OR6B1: variants seen among roughly 807,000 people sequenced by gnomAD.
The protein encoded by OR6B1 is olfactory receptor family 6 subfamily B member 1, also known as olfactory receptor 6B1.
Under a neutral mutation model 15.4 loss-of-function variants are expected in OR6B1, and 15 were observed. That is an observed-to-expected ratio of 0.97 (90% confidence interval 0.65 to 1.50). The LOEUF is 1.50. Ranked by LOEUF, OR6B1 falls within the 40% of genes most tolerant of loss-of-function variation. The pLI, the probability that OR6B1 is intolerant of heterozygous loss-of-function variation, is 0.00. For missense variants in OR6B1, 384 were observed against 385.0 expected, an observed-to-expected ratio of 1.00 and a Z score of 0.02; for synonymous variants, 139 against 144.9, an observed-to-expected ratio of 0.96 and a Z score of 0.29.
chr7:144,004,147 C>A lies in OR6B1; in HGVS notation c.151C>A (p.Gln51Lys). Residue 51 changes from glutamine to lysine, a missense_variant, in exon 2 of 2, where the codon CAA becomes AAA. Gln to Lys is a moderately conservative substitution (Grantham distance 53). Coordinates refer to ENST00000641698, the MANE Select transcript of OR6B1 (RefSeq NM_001005281.3). ...ENVIIILLVL[Q>K]NRPLHKPMYF... The stretch of plus-strand genomic sequence containing the variant: ...CGTGATCATCATCCTATTGGTGCTG[C>A]AAAATCGGCCACTGCACAAGCCTAT... The A allele has an allele frequency of 6.2e-7, 1 of 1,614,178 alleles. No individual in the cohort carries two copies. Among genetic ancestry groups the A allele is most frequent in the Non-Finnish European group, 8.5e-7 (1 of 1,180,040 alleles).
Position 144,004,803 on chromosome 7 carries a change from C to T in OR6B1, c.807C>T (p.Asn269=). The change falls in exon 2 of 2, where the codon AAC becomes AAT. Residue 269 remains asparagine (N), a synonymous_variant. Transcript: ENST00000641698. ...RPRVIHAFNM[N]KIISIFYAIV... ...GAGTTATCCATGCCTTCAACATGAA[C>T]AAAATTATTTCCATCTTCTATGCCA... The T allele has an allele frequency of 6.2e-7, 1 of 1,614,008 alleles. No homozygotes were observed. Among genetic ancestry groups the T allele is most frequent in the Non-Finnish European group, 8.5e-7 (1 of 1,179,978 alleles).
In OR6B1 at chr7:144,004,153, C is replaced by T. The variant is rs763717842; in HGVS notation, c.157C>T (p.Arg53Trp). 72 of 1,614,158 alleles carry T rather than the reference C, an allele frequency of 4.5e-5. No homozygotes were observed. The highest frequency in any genetic ancestry group is 8.8e-5 in the South Asian group (8 of 91,072). ...CATCATCCTATTGGTGCTGCAAAAT[C>T]GGCCACTGCACAAGCCTATGTACTT... ...VIIILLVLQN[R>W]PLHKPMYFFL... Residue 53 changes from arginine to tryptophan, a missense_variant, in exon 2 of 2, where the codon CGG becomes TGG. Arg to Trp is a moderately radical substitution (Grantham distance 101). Coordinates refer to ENST00000641698, the MANE Select transcript of OR6B1 (RefSeq NM_001005281.3).
In OR6B1 at chr7:144,006,611, T is replaced by C. The variant is rs930188658; in HGVS notation, c.*1679T>C. On this transcript the variant is annotated 3_prime_UTR_variant, in exon 2 of 2. Transcript: ENST00000641698. ...AAATCTAGACACACAAAAAAGAGAT[T>C]ATTTTCTGAAAACTTCAAATGAATC... 3 of 152,296 alleles carry C rather than the reference T, an allele frequency of 2.0e-5. No homozygotes were observed. Among genetic ancestry groups the C allele is most frequent in the Admixed American group, 2.0e-4 (3 of 15,290 alleles). 9.4% of individuals were successfully genotyped at this position (152,296 alleles called of 1,614,324 possible).
chr7:144,002,581 A>G (rs75521937), intron 1 of OR6B1, among the ~76,000 whole-genome samples: 1 of 152,308 alleles, frequency 6.6e-6, no homozygotes, highest in East Asian at 1.9e-4. Context: ...ATTTAAGTTC[A>G]CTGTCACCTA....
intron 1 of OR6B1, among the ~76,000 whole-genome samples, chr7:144,003,033 C>CT (rs1418134243): frequency 3.3e-5 from 5 of 152,110 alleles, no homozygotes; most frequent in African/African-American, 1.2e-4. Flanking sequence ...TAATGCATCT[C>CT]TATCTTTGTT....
At position 144,006,554 on chromosome 7, in the gene OR6B1, C is replaced by A. The variant is rs6965087; in HGVS notation, c.*1622C>A. ...AATGTAGTTTGGTCCCTTGATGCAA[C>A]AAGTAAGTTGTGATGAATATATTTC... On this transcript the variant is annotated 3_prime_UTR_variant, in exon 2 of 2. Coordinates refer to ENST00000641698, the MANE Select transcript of OR6B1 (RefSeq NM_001005281.3). 6.6e-6 allele frequency: 1 copy of A among 151,838 alleles called. No individual in the cohort carries two copies. The highest frequency in any genetic ancestry group is 1.5e-5 in the Non-Finnish European group (1 of 67,942). The allele number at this position is 151,838 out of a possible 1,614,324, so 9.4% of individuals were successfully genotyped here. A position where few individuals can be genotyped will look rare whatever the true frequency, so the allele number is the denominator to read the frequency against.
At position 144,004,196 on chromosome 7, in the gene OR6B1, C is replaced by T; in HGVS notation, c.200C>T (p.Ser67Phe). Reference sequence around the variant, plus strand: ...ATGTACTTCTTCCTGGCCAACCTGTCCTTCTTGGAGACCTGGTACATCTCT... The same window carrying T: ...ATGTACTTCTTCCTGGCCAACCTGTTCTTCTTGGAGACCTGGTACATCTCT... ...KPMYFFLANL[S>F]FLETWYISVT... is the part of the protein sequence containing the mutation. Residue 67 changes from serine (S) to phenylalanine (F), a missense_variant, in exon 2 of 2, where the codon TCC becomes TTC. Coordinates refer to ENST00000641698, the MANE Select transcript of OR6B1 (RefSeq NM_001005281.3). The T allele has an allele frequency of 1.2e-6, 2 of 1,614,178 alleles. No individual in the cohort carries two copies. The highest frequency in any genetic ancestry group is 1.3e-5 in the African/African-American group (1 of 75,062).
At position 144,007,500 on chromosome 7, in the gene OR6B1, A is replaced by T. The variant is rs2050632126; in HGVS notation, c.*2568A>T. On this transcript the variant is annotated 3_prime_UTR_variant, in exon 2 of 2. Transcript: ENST00000641698. ...TCCAAACTCATAAGGAACCCCACAA[A>T]ATAAAATATAAATATATATTAATTA... is the stretch of plus-strand genomic sequence containing the variant. 6.6e-6 allele frequency: 1 copy of T among 152,178 alleles called. No homozygotes were observed. The highest frequency in any genetic ancestry group is 2.4e-5 in the African/African-American group (1 of 41,450). 9.4% of individuals were successfully genotyped at this position (152,178 alleles called of 1,614,324 possible). A position where few individuals can be genotyped will look rare whatever the true frequency, so the allele number is the denominator to read the frequency against.
At chr7:144,001,712 CTT>C (rs1322046859) in intron 1 of OR6B1, among the ~76,000 whole-genome samples, 4 of 152,214 alleles carry the variant, frequency 2.6e-5, no homozygotes, top group African/African-American at 9.6e-5. Flanking sequence ...CCATCCATCT[CTT>C]TTCTGCTCAT....
In OR6B1 at chr7:144,004,383, A is replaced by T. The variant is rs1213591945; in HGVS notation, c.387A>T (p.Pro129=). Residue 129 remains proline, a synonymous_variant, in exon 2 of 2, where the codon CCA becomes CCT. Transcript: ENST00000641698. ...ACCGGTATGTGGCCATCTGTCGCCC[A>T]CTCCACTACCCAACCATAATGAGCC... is the stretch of plus-strand genomic sequence containing the variant. ...AYDRYVAICR[P]LHYPTIMSHG... is the part of the protein sequence containing the mutation. The T allele has an allele frequency of 1.9e-6, 3 of 1,613,806 alleles. No individual in the cohort carries two copies. In the East Asian group the frequency reaches 6.7e-5, roughly 36 times the overall value.
Position 144,007,308 on chromosome 7 carries a change from T to C in OR6B1, c.*2376T>C, listed in dbSNP as rs767026291. 19 of 152,090 alleles carry C rather than the reference T, an allele frequency of 1.2e-4. No homozygotes were observed. The highest frequency in any genetic ancestry group is 2.8e-4 in the Non-Finnish European group (19 of 68,016). The allele number at this position is 152,090 out of a possible 1,614,324, so 9.4% of individuals were successfully genotyped here. On this transcript the variant is annotated 3_prime_UTR_variant, in exon 2 of 2. Transcript: ENST00000641698. ...ACAGAGAAAATAATGTATAGTGGATTACTGGTTAAATTCACATAGAAACAA... is the reference window on the plus strand; with the variant it reads ...ACAGAGAAAATAATGTATAGTGGATCACTGGTTAAATTCACATAGAAACAA...
In OR6B1 at chr7:144,001,685, T is replaced by C. The variant is rs187214367; in HGVS notation, c.-26+1035T>C. On this transcript the variant is annotated intron_variant, in intron 1 of 1. Coordinates refer to ENST00000641698, the MANE Select transcript of OR6B1 (RefSeq NM_001005281.3). Reference sequence around the variant, plus strand: ...CATGATCTGGTCCGTGACAACAGAGTCTCTCTCTTTCTCTTTCCATCCATC... The same window carrying C: ...CATGATCTGGTCCGTGACAACAGAGCCTCTCTCTTTCTCTTTCCATCCATC... Among the ~76,000 whole-genome samples, 944 of 152,002 alleles carry C rather than the reference T, an allele frequency of 6.2e-3. 5 individuals are homozygous for C. The highest frequency in any genetic ancestry group is 9.1e-3 in the South Asian group (44 of 4,814).
Position 144,004,865 on chromosome 7 carries a change from T to G in OR6B1, c.869T>G (p.Leu290Arg). The G allele has an allele frequency of 6.2e-7, 1 of 1,612,582 alleles. No individual in the cohort carries two copies. The highest frequency in any genetic ancestry group is 8.5e-7 in the Non-Finnish European group (1 of 1,179,992). Reference protein sequence around the residue: ...TPSLNPFIYCLRNREVKEALK... With the variant: ...TPSLNPFIYCRRNREVKEALK... ...TCTCTCAACCCTTTCATTTATTGCC[T>G]AAGAAACCGAGAGGTCAAGGAAGCT... Residue 290 changes from leucine to arginine, a missense_variant, in exon 2 of 2, where the codon CTA becomes CGA. Leu to Arg is a moderately radical substitution (Grantham distance 102). Coordinates refer to ENST00000641698, the MANE Select transcript of OR6B1 (RefSeq NM_001005281.3).
chr7:144,004,019 G>A lies in OR6B1; in HGVS notation c.23G>A (p.Arg8Gln), dbSNP rs750812387. 3.4e-5 allele frequency: 55 copies of A among 1,612,200 alleles called. 1 individual carries two copies. The South Asian group carries it at 5.1e-4, about 15-fold the overall frequency. ...AATATGGAGTTGGAGAACCAGACAC[G>A]AGTCACCAAGTTCATTCTGGTGGGA... MELENQT[R>Q]VTKFILVGFP... is the part of the protein sequence containing the mutation. The change falls in exon 2 of 2, where the codon CGA becomes CAA. Residue 8 changes from arginine to glutamine, a missense_variant. Arg to Gln is a conservative substitution (Grantham distance 43). Transcript: ENST00000641698.
Position 144,004,424 on chromosome 7 carries a change from G to T in OR6B1, c.428G>T (p.Arg143Leu). 6.2e-7 allele frequency: 1 copy of T among 1,614,102 alleles called. No homozygotes were observed. The highest frequency in any genetic ancestry group is 8.5e-7 in the Non-Finnish European group (1 of 1,180,034). ...ATAATGAGCCATGGGCTCTGCTTCC[G>T]CCTCGCTCTTGGTTCCTGGGCCATT... ...PTIMSHGLCFRLALGSWAIGF... is the reference protein window; with the variant it reads ...PTIMSHGLCFLLALGSWAIGF... Residue 143 changes from arginine to leucine, a missense_variant, in exon 2 of 2, where the codon CGC (arginine) becomes CTC (leucine). Arg to Leu is a moderately radical substitution (Grantham distance 102). Coordinates refer to ENST00000641698, the MANE Select transcript of OR6B1 (RefSeq NM_001005281.3).
chr7:144,004,434 T>C lies in OR6B1; in HGVS notation c.438T>C (p.Leu146=), dbSNP rs1279739695. 6.2e-7 allele frequency: 1 copy of C among 1,614,098 alleles called. No homozygotes were observed. The highest frequency in any genetic ancestry group is 8.5e-7 in the Non-Finnish European group (1 of 1,180,048). Residue 146 remains leucine (L), a synonymous_variant, in exon 2 of 2, where the codon CTT becomes CTC. Transcript: ENST00000641698. ...ATGGGCTCTGCTTCCGCCTCGCTCT[T>C]GGTTCCTGGGCCATTGGCTTTGGCA... ...MSHGLCFRLA[L]GSWAIGFGIS...
intron 1 of OR6B1, 85 bp from the exon 2 acceptor site, chr7:144,003,887 A>T: frequency 1.4e-6 from 1 of 708,320 alleles, no homozygotes; most frequent in Non-Finnish European, 2.4e-6. Flanking sequence ...GTATTAATAA[A>T]TGATAACTAT....
At chr7:144,003,865 G>C in intron 1 of OR6B1, 107 bp from the exon 2 acceptor site, 1 of 650,828 alleles carries the variant, frequency 1.5e-6, no homozygotes, top group Admixed American at 2.9e-5. Context: ...TTCATGGTCT[G>C]ACCTGTAATA....
intron 1 of OR6B1, among the ~76,000 whole-genome samples, chr7:144,002,359 A>G (rs1419333609): frequency 6.6e-6 from 1 of 152,240 alleles, no homozygotes; most frequent in Non-Finnish European, 1.5e-5. Context: ...CTGAACTGAT[A>G]GTAAGACAGT....
Sources: gnomAD v4.1 joint callset for allele counts (sites outside exome capture counted in the v4.1 genomes callset) on GRCh38, gnomAD v4.1.1 for gene constraint, MANE v1.5 for transcripts, NCBI Gene and HGNC (gene_info 2026-07-23, HGNC 2026-07-21) for gene names.